Variants in PRICKLE1 observed in about 807,000 individuals in gnomAD.
PRICKLE1 encodes the protein prickle planar cell polarity protein 1.
Under a neutral mutation model 70.2 loss-of-function variants are expected in PRICKLE1, and 14 were observed. The observed-to-expected ratio is 0.20, with a 90% CI of 0.13 to 0.31. The LOEUF is 0.31. Ranked by LOEUF, PRICKLE1 falls within the 10% of genes least tolerant of loss-of-function variation. The pLI, the probability that PRICKLE1 is intolerant of heterozygous loss-of-function variation, is 1.00. For missense variants in PRICKLE1, 821 were observed against 1,026.2 expected (o/e 0.80, Z 2.73); for synonymous variants, 357 against 379.9 (o/e 0.94, Z 0.70).
chr12:42,562,554 A>G (rs906165437), intron 1 of PRICKLE1, among the ~76,000 whole-genome samples: 4 of 152,156 alleles, frequency 2.6e-5, no homozygotes, highest in African/African-American at 9.6e-5. Context: ...AAAAATTAAA[A>G]CTAAAAATGG....
At chr12:42,471,058 T>C (rs1173849252) in intron 2 of PRICKLE1, among the ~76,000 whole-genome samples, 1 of 152,196 alleles carries the variant, frequency 6.6e-6, no homozygotes, top group African/African-American at 2.4e-5. Context: ...ACACATTTAA[T>C]TTGCTCTCTG....
At chr12:42,466,720 G>T (rs1034321423) in intron 5 of PRICKLE1, among the ~76,000 whole-genome samples, 9 of 152,144 alleles carry the variant, frequency 5.9e-5, no homozygotes, top group African/African-American at 1.9e-4. Context: ...CATTAACACG[G>T]AAATAATTTA....
intron 1 of PRICKLE1, among the ~76,000 whole-genome samples, chr12:42,537,651 A>G (rs1940037456): frequency 6.6e-6 from 1 of 152,232 alleles, no homozygotes; most frequent in South Asian, 2.1e-4. Context: ...ACAGTGATTG[A>G]AGCCTTGGAG....
rs2083442243 is a variant in PRICKLE1 at position 42,456,813 on chromosome 12, G to GCTT, written c.*2993_*2995dup. 1 of 152,172 alleles carries GCTT rather than the reference G, an allele frequency of 6.6e-6. No homozygotes were observed. The highest frequency in any genetic ancestry group is 2.4e-5 in the African/African-American group (1 of 41,432). 9.4% of individuals were successfully genotyped at this position (152,172 alleles called of 1,614,324 possible). A position where few individuals can be genotyped will look rare whatever the true frequency, so the allele number is the denominator to read the frequency against. On this transcript the variant is annotated 3_prime_UTR_variant, in exon 8 of 8. Coordinates refer to ENST00000345127, the MANE Select transcript of PRICKLE1 (RefSeq NM_153026.3). ...TTCTTTACAGAACTGTAAGGCAGTT[G>GCTT]CTTCTTTCTTCCGTTGTAGATAGTC...
intron 1 of PRICKLE1, among the ~76,000 whole-genome samples, chr12:42,542,912 T>C (rs1940141719): frequency 6.6e-6 from 1 of 152,132 alleles, no homozygotes; most frequent in Non-Finnish European, 1.5e-5. Flanking sequence ...AGTGTGATGG[T>C]TCTAGGAGGT....
At chr12:42,535,739 G>A (rs1166771367) in intron 1 of PRICKLE1, among the ~76,000 whole-genome samples, 1 of 152,136 alleles carries the variant, frequency 6.6e-6, no homozygotes, top group Non-Finnish European at 1.5e-5. Flanking sequence ...AGCTATGATT[G>A]TGCCACTGCA....
chr12:42,476,802 C>T (rs564786645), intron 1 of PRICKLE1, among the ~76,000 whole-genome samples: 2 of 152,090 alleles, frequency 1.3e-5, no homozygotes, highest in African/African-American at 2.4e-5. Context: ...CATGTGCCAC[C>T]ACACCAAAGT....
rs529706039 is a variant in PRICKLE1, at chr12:42,587,119, C to T, written c.-49+2346G>A. On this transcript the variant is annotated intron_variant, in intron 1 of 7. Coordinates refer to ENST00000345127, the MANE Select transcript of PRICKLE1 (RefSeq NM_153026.3). Reference sequence around the variant, plus strand: ...AACATAATAAGCTTTTTAAGCTTCACTGGTGTTACTGGCAGAACTGATTGA... The same window carrying T: ...AACATAATAAGCTTTTTAAGCTTCATTGGTGTTACTGGCAGAACTGATTGA... Among the ~76,000 whole-genome samples the T allele has an allele frequency of 1.7e-4, 26 of 152,286 alleles. 1 individual carries two copies. Among genetic ancestry groups the T allele is most frequent in the Admixed American group, 3.3e-4 (5 of 15,302 alleles).
rs139937830 is a variant in PRICKLE1 at position 42,460,386 on chromosome 12, T to C, written c.1919A>G (p.Asn640Ser). Residue 640 changes from asparagine to serine, a missense_variant, in exon 8 of 8, where the codon AAT becomes AGT. Asn to Ser is a conservative substitution (Grantham distance 46). Coordinates refer to ENST00000345127, the MANE Select transcript of PRICKLE1 (RefSeq NM_153026.3). The part of the protein sequence containing the change: ...QVKFSDDVID[N>S]GNYDIEIRQP... ...CCGGATTTCAATGTCATAGTTCCCA[T>C]TGTCAATGACATCATCAGAAAACTT... 7 of 1,614,094 alleles carry C rather than the reference T, an allele frequency of 4.3e-6. No homozygotes were observed. The highest frequency in any genetic ancestry group is 4.0e-5 in the African/African-American group (3 of 75,018).
chr12:42,480,625 T>C (rs1230555124), intron 1 of PRICKLE1, among the ~76,000 whole-genome samples: 2 of 152,226 alleles, frequency 1.3e-5, no homozygotes, highest in East Asian at 3.8e-4. Context: ...GCTTCCAGGA[T>C]AGCTAAGGAT....
chr12:42,458,181 T>C lies in PRICKLE1; in HGVS notation c.*1628A>G, dbSNP rs1441680977. The C allele has an allele frequency of 6.6e-6, 1 of 152,126 alleles. No individual in the cohort carries two copies. The highest frequency in any genetic ancestry group is 1.5e-5 in the Non-Finnish European group (1 of 68,024). 9.4% of individuals were successfully genotyped at this position (152,126 alleles called of 1,614,324 possible). A position where few individuals can be genotyped will look rare whatever the true frequency, so the allele number is the denominator to read the frequency against. On this transcript the variant is annotated 3_prime_UTR_variant, in exon 8 of 8. Coordinates refer to ENST00000345127, the MANE Select transcript of PRICKLE1 (RefSeq NM_153026.3). ...CCCACTCCAGTCTATATGGAAAAAATAAGCCTCTGTGTCTGAAGCCCTATT... is the reference window on the plus strand; with the variant it reads ...CCCACTCCAGTCTATATGGAAAAAACAAGCCTCTGTGTCTGAAGCCCTATT...
intron 1 of PRICKLE1, among the ~76,000 whole-genome samples, chr12:42,518,947 AAAATG>A (rs755055840): frequency 1.8e-4 from 27 of 152,148 alleles, no homozygotes; most frequent in Non-Finnish European, 3.1e-4. Flanking sequence ...GGAGGAAGTA[AAAATG>A]AAATGCACCA....
At chr12:42,539,712 A>C (rs1474917667) in intron 1 of PRICKLE1, among the ~76,000 whole-genome samples, 1 of 152,198 alleles carries the variant, frequency 6.6e-6, no homozygotes, top group African/African-American at 2.4e-5. Context: ...AAAGTCAGTC[A>C]TTTTTGTATT....
At chr12:42,519,688 C>A (rs1045640736) in intron 1 of PRICKLE1, among the ~76,000 whole-genome samples, 4 of 152,222 alleles carry the variant, frequency 2.6e-5, no homozygotes. Context: ...AAATGCTCTT[C>A]ATAATTCTAG....
At chr12:42,521,160 C>A (rs1310048284) in intron 1 of PRICKLE1, among the ~76,000 whole-genome samples, 2 of 151,726 alleles carry the variant, frequency 1.3e-5, no homozygotes, top group African/African-American at 4.8e-5. Context: ...TGGGTGATAG[C>A]ACAAGACCCC....
chr12:42,488,766 T>C (rs1265801590), intron 1 of PRICKLE1, among the ~76,000 whole-genome samples: 1 of 152,150 alleles, frequency 6.6e-6, no homozygotes, highest in Admixed American at 6.6e-5. Flanking sequence ...GACATATACA[T>C]TGCAAAATTA....
intron 1 of PRICKLE1, among the ~76,000 whole-genome samples, chr12:42,529,184 A>G (rs1371246785): frequency 6.6e-6 from 1 of 152,196 alleles, no homozygotes; most frequent in Non-Finnish European, 1.5e-5. Context: ...TAGATATTTT[A>G]TTTTGAATTT....
intron 1 of PRICKLE1, among the ~76,000 whole-genome samples, chr12:42,502,275 A>G (rs1209674971): frequency 6.7e-6 from 1 of 149,182 alleles, no homozygotes; most frequent in African/African-American, 2.5e-5. Flanking sequence ...ACCTACATAT[A>G]TATATATAGA....
At chr12:42,479,358 TC>T (rs1297671816) in intron 1 of PRICKLE1, among the ~76,000 whole-genome samples, 5 of 152,186 alleles carry the variant, frequency 3.3e-5, no homozygotes, top group Non-Finnish European at 7.3e-5. Flanking sequence ...TTCTAACCAG[TC>T]CCCACATAAA....
Sources: allele counts gnomAD v4.1 joint callset (sites outside exome capture counted in the v4.1 genomes callset), GRCh38; gene constraint gnomAD v4.1.1; transcripts MANE v1.5; gene names NCBI Gene and HGNC (gene_info 2026-07-23, HGNC 2026-07-21).